MAOA: variants seen among roughly 807,000 people sequenced by gnomAD.
MAOA encodes monoamine oxidase A, also known as amine oxidase [flavin-containing] A.
In MAOA, 6 loss-of-function variants were observed where a neutral mutation model predicts 42.0. That is an observed-to-expected ratio of 0.14 (90% CI 0.08 to 0.28). The LOEUF is 0.28. MAOA is among the 10% of genes least tolerant of loss of function. MAOA has a pLI of 1.00. For synonymous variants in MAOA, 140 were observed against 154.0 expected, an observed-to-expected ratio of 0.91 and a Z score of 0.67; for missense variants, 262 against 422.3, an observed-to-expected ratio of 0.62 and a Z score of 3.33.
intron 5 of MAOA, among the ~76,000 whole-genome samples, chrX:43,721,415 G>A (rs770753817): frequency 1.8e-5 from 2 of 111,616 alleles, no homozygotes; most frequent in East Asian, 5.7e-4. Flanking sequence ...TTGAATATTT[G>A]TCCTTTCTCC....
chrX:43,669,795 A>T (rs1047553990), intron 1 of MAOA, among the ~76,000 whole-genome samples: 1 of 111,475 alleles, frequency 9.0e-6, no homozygotes, highest in Non-Finnish European at 1.9e-5. Flanking sequence ...CCTTTTTTTT[A>T]CCTTTATTGT....
chrX:43,697,875 G>A (rs1215330413), intron 3 of MAOA, among the ~76,000 whole-genome samples: 1 of 111,946 alleles, frequency 8.9e-6, no homozygotes, highest in African/African-American at 3.2e-5. Flanking sequence ...CAATATTCCA[G>A]ATAAGATGAT....
At chrX:43,721,248 A>C (rs983319837) in intron 5 of MAOA, among the ~76,000 whole-genome samples, 1 of 111,372 alleles carries the variant, frequency 9.0e-6, no homozygotes, top group Non-Finnish European at 1.9e-5. Flanking sequence ...GGACAGGGAC[A>C]AGCTTTTGTG....
At chrX:43,734,622 GTGTT>G (rs1271947401) in intron 9 of MAOA, among the ~76,000 whole-genome samples, 1 of 112,236 alleles carries the variant, frequency 8.9e-6, no homozygotes, top group Non-Finnish European at 1.9e-5. Flanking sequence ...GCCCAGCACT[GTGTT>G]TGTAATAAAC....
chrX:43,712,161 T>C (rs1250032395), intron 4 of MAOA, among the ~76,000 whole-genome samples, 185 bp downstream of exon 4: 1 of 111,794 alleles, frequency 8.9e-6, no homozygotes, highest in Non-Finnish European at 1.9e-5. Flanking sequence ...CCAGAGATTA[T>C]GTAATTTACT....
intron 2 of MAOA, among the ~76,000 whole-genome samples, chrX:43,691,457 G>A (rs1356365222): frequency 8.9e-6 from 1 of 111,866 alleles, no homozygotes; most frequent in Admixed American, 9.5e-5. Context: ...AAAAGAAGAT[G>A]CCATGAACAT....
intron 3 of MAOA, among the ~76,000 whole-genome samples, chrX:43,706,613 C>A (rs898831808): frequency 7.3e-5 from 7 of 95,869 alleles, no homozygotes; most frequent in African/African-American, 4.0e-4. Flanking sequence ...AGTGAGGCCC[C>A]ATCTCTACAA....
chrX:43,693,560 C>G lies in MAOA; in HGVS notation c.306+132C>G. 3 of 693,237 alleles carry G rather than the reference C, an allele frequency of 4.3e-6. No homozygotes were observed. The South Asian group carries it at 7.7e-5, about 18-fold the overall frequency. 57.1% of individuals were successfully genotyped at this position (693,237 alleles called of 1,213,427 possible). A position where few individuals can be genotyped will look rare whatever the true frequency, so the allele number is the denominator to read the frequency against. On this transcript the variant is annotated intron_variant, in intron 3 of 14. Transcript: ENST00000338702. Reference sequence around the variant, plus strand: ...CTCTTGACTTTGAAGTAGTATTTGCCTTTCTTTTCTTGTTTTCTTTTTTCT... The same window carrying G: ...CTCTTGACTTTGAAGTAGTATTTGCGTTTCTTTTCTTGTTTTCTTTTTTCT...
chrX:43,722,938 T>C (rs1389334288), intron 5 of MAOA, among the ~76,000 whole-genome samples: 3 of 112,158 alleles, frequency 2.7e-5, no homozygotes, highest in Non-Finnish European at 5.6e-5. Flanking sequence ...ATTTATTAAA[T>C]AGGGAATCCT....
chrX:43,719,819 G>A (rs1324939691), intron 5 of MAOA, among the ~76,000 whole-genome samples: 1 of 110,243 alleles, frequency 9.1e-6, no homozygotes, highest in African/African-American at 3.3e-5. Context: ...CTATAGGGTA[G>A]ACGTTTTGGG....
At chrX:43,676,267 C>T (rs1322128595) in intron 1 of MAOA, among the ~76,000 whole-genome samples, 1 of 112,064 alleles carries the variant, frequency 8.9e-6, no homozygotes, top group East Asian at 2.8e-4. Flanking sequence ...GATTTAATCT[C>T]CTGGTGTGCC....
chrX:43,722,918 T>C (rs1449917342), intron 5 of MAOA, among the ~76,000 whole-genome samples: 2 of 112,188 alleles, frequency 1.8e-5, no homozygotes, highest in African/African-American at 3.2e-5. Context: ...TAGCCAGTTT[T>C]CCCAGCACTA....
intron 1 of MAOA, among the ~76,000 whole-genome samples, chrX:43,677,878 G>T (rs1405374506): frequency 1.8e-5 from 2 of 111,196 alleles, no homozygotes. Flanking sequence ...GAAGAACTCT[G>T]AGTATAGGGG....
At chrX:43,686,032 A>G (rs781545783) in intron 2 of MAOA, among the ~76,000 whole-genome samples, 2 of 112,249 alleles carry the variant, frequency 1.8e-5, no homozygotes, top group South Asian at 7.4e-4. Flanking sequence ...ACTCCCTTCC[A>G]TCTTCAAATT....
At chrX:43,661,440 A>G (rs2033232475) in intron 1 of MAOA, among the ~76,000 whole-genome samples, 1 of 111,750 alleles carries the variant, frequency 8.9e-6, no homozygotes, top group Admixed American at 9.5e-5. Flanking sequence ...GATAAGTAGA[A>G]TTTTAACAGG....
intron 11 of MAOA, 69 bp from the exon 12 acceptor site, chrX:43,741,881 C>T (rs762231556): frequency 2.5e-5 from 30 of 1,194,958 alleles, no homozygotes; most frequent in African/African-American, 1.1e-4. Flanking sequence ...GTTAAAGCAA[C>T]GATATTATTG....
intron 9 of MAOA, among the ~76,000 whole-genome samples, chrX:43,734,708 T>C (rs754431332): frequency 8.9e-6 from 1 of 112,021 alleles, no homozygotes; most frequent in African/African-American, 3.2e-5. Flanking sequence ...GCATGTTTAA[T>C]TTCCTCAATA....
chrX:43,737,888 A>C (rs1156692946), intron 10 of MAOA, among the ~76,000 whole-genome samples: 3 of 111,743 alleles, frequency 2.7e-5, no homozygotes, highest in African/African-American at 9.8e-5. Context: ...CTCCTTATTA[A>C]TAGTAAAATA....
intron 2 of MAOA, among the ~76,000 whole-genome samples, chrX:43,692,313 C>A (rs181622554): frequency 4.2e-4 from 46 of 110,369 alleles, no homozygotes; most frequent in Admixed American, 2.3e-3. Flanking sequence ...ATCTAAGGAC[C>A]AAGGGTAAAT....
Sources: allele counts gnomAD v4.1 joint callset (sites outside exome capture counted in the v4.1 genomes callset), GRCh38; gene constraint gnomAD v4.1.1; transcripts MANE v1.5; gene names NCBI Gene and HGNC (gene_info 2026-07-23, HGNC 2026-07-21).